Variants in DNAH9 observed in about 807,000 individuals in gnomAD.
DNAH9 encodes dynein axonemal heavy chain 9.
In DNAH9, 345 loss-of-function variants were observed where a neutral mutation model predicts 471.6. The observed-to-expected ratio is 0.73, with a 90% CI of 0.67 to 0.80. The LOEUF (loss-of-function observed/expected upper bound fraction) is 0.80. DNAH9 is among the 30% of genes least tolerant of loss of function. The pLI is 0.00. For missense variants in DNAH9, 5,407 were observed against 5,609.2 expected, an observed-to-expected ratio of 0.96 and a Z score of 1.15; for synonymous variants, 2,093 against 2,123.6, an observed-to-expected ratio of 0.99 and a Z score of 0.40.
chr17:11,854,362 G>T lies in DNAH9; in HGVS notation c.9867G>T (p.Leu3289=). 6.2e-7 allele frequency: 1 copy of T among 1,614,068 alleles called. No homozygotes were observed. Among genetic ancestry groups the T allele is most frequent in the South Asian group, 1.1e-5 (1 of 91,072 alleles). ...FCDVEPKRQA[L]NKATADLTAA... ...ATGTGGAACCCAAGCGCCAGGCACTGAACAAAGCCACCGCGGACCTCACAG... is the reference window on the plus strand; with the variant it reads ...ATGTGGAACCCAAGCGCCAGGCACTTAACAAAGCCACCGCGGACCTCACAG... The change falls in exon 50 of 69, where the codon CTG becomes CTT. Residue 3289 remains leucine, a synonymous_variant. Coordinates refer to ENST00000262442, the MANE Select transcript of DNAH9 (RefSeq NM_001372.4).
intron 38 of DNAH9, among the ~76,000 whole-genome samples, chr17:11,779,549 A>G (rs1968592354): frequency 6.6e-6 from 1 of 152,174 alleles, no homozygotes; most frequent in Non-Finnish European, 1.5e-5. Flanking sequence ...TTTTCTCCTC[A>G]ACGATCCTTT....
At chr17:11,896,060 C>G (rs1157930961) in intron 59 of DNAH9, among the ~76,000 whole-genome samples, 1 of 152,120 alleles carries the variant, frequency 6.6e-6, no homozygotes, top group African/African-American at 2.4e-5. Flanking sequence ...CTGCAAAGGG[C>G]CACTTAGTAA....
intron 43 of DNAH9, among the ~76,000 whole-genome samples, chr17:11,801,519 G>A (rs1029528512): frequency 5.9e-5 from 9 of 152,026 alleles, no homozygotes; most frequent in East Asian, 1.9e-4. Context: ...GTGAAACCCC[G>A]TCTCTACTAA....
At chr17:11,826,714 G>A (rs926099185) in intron 48 of DNAH9, among the ~76,000 whole-genome samples, 9 of 151,244 alleles carry the variant, frequency 6.0e-5, no homozygotes, top group African/African-American at 9.7e-5. Flanking sequence ...CGCCCGCCTC[G>A]GCGTCCCAAA....
chr17:11,838,393 A>G lies in DNAH9; in HGVS notation c.9507+3495A>G, dbSNP rs141458072. On this transcript the variant is annotated intron_variant, in intron 49 of 68. Transcript: ENST00000262442. ...ATGTGCATGTGTTACATTAGCAGAAATAAAAATTAAAAAATTTCAGTGACT... is the reference window on the plus strand; with the variant it reads ...ATGTGCATGTGTTACATTAGCAGAAGTAAAAATTAAAAAATTTCAGTGACT... Among the ~76,000 whole-genome samples the G allele has an allele frequency of 1.1e-3, 172 of 152,336 alleles. 2 individuals are homozygous for G. The East Asian group carries it at 0.031, about 28-fold the overall frequency.
intron 38 of DNAH9, among the ~76,000 whole-genome samples, chr17:11,772,413 ATC>A (rs1968245899): frequency 6.6e-6 from 1 of 152,154 alleles, no homozygotes. Context: ...CTCACTCTGG[ATC>A]TCTCACCTAG....
At chr17:11,658,041 A>G (rs545248183) in intron 14 of DNAH9, among the ~76,000 whole-genome samples, 156 of 152,198 alleles carry the variant, frequency 1.0e-3, no homozygotes, top group Non-Finnish European at 1.5e-3. Context: ...CAGCCTGCCA[A>G]TTTCTAGGGG....
intron 12 of DNAH9, 43 bp from the exon 13 acceptor site, chr17:11,651,026 T>A: frequency 6.3e-7 from 1 of 1,593,372 alleles, no homozygotes; most frequent in Non-Finnish European, 8.6e-7. Flanking sequence ...AGATTATTCA[T>A]TATCACTGAA....
intron 48 of DNAH9, among the ~76,000 whole-genome samples, chr17:11,833,409 C>A (rs1970737798): frequency 6.6e-6 from 1 of 152,206 alleles, no homozygotes; most frequent in Non-Finnish European, 1.5e-5. Flanking sequence ...ATTACTTGTG[C>A]TTAGCCACTC....
Position 11,699,781 on chromosome 17 carries a change from C to T in DNAH9, c.4923C>T (p.Phe1641=). ...TTGACAACATGGCCAAGATGCGATTCCAGCTAGATGCCAGTGGGGAACCAA... is the reference window on the plus strand; with the variant it reads ...TTGACAACATGGCCAAGATGCGATTTCAGCTAGATGCCAGTGGGGAACCAA... The part of the protein sequence containing the change: ...KLFDNMAKMR[F]QLDASGEPTK... The change falls in exon 23 of 69, where the codon TTC becomes TTT. Residue 1641 remains phenylalanine (F), a synonymous_variant. Transcript: ENST00000262442. 6.2e-7 allele frequency: 1 copy of T among 1,614,170 alleles called. No individual in the cohort carries two copies.
At chr17:11,947,806 G>C (rs1158787782) in intron 67 of DNAH9, among the ~76,000 whole-genome samples, 1 of 114,724 alleles carries the variant, frequency 8.7e-6, no homozygotes, top group Non-Finnish European at 1.7e-5. Context: ...TTTTGAGACA[G>C]AGTCTTGCTC....
intron 15 of DNAH9, among the ~76,000 whole-genome samples, chr17:11,666,111 A>G (rs774770027): frequency 2.0e-5 from 3 of 152,216 alleles, no homozygotes; most frequent in Non-Finnish European, 4.4e-5. Context: ...CCTGGGAGCA[A>G]CAAGCCAATG....
At chr17:11,821,771 A>G (rs1259238061) in intron 45 of DNAH9, 149 bp from the exon 46 acceptor site, 5 of 790,878 alleles carry the variant, frequency 6.3e-6, no homozygotes, top group Non-Finnish European at 9.9e-6. Flanking sequence ...TGGAGTAGAC[A>G]TGGTGTCTGT....
intron 1 of DNAH9, among the ~76,000 whole-genome samples, chr17:11,606,739 C>G (rs2072517689): frequency 2.0e-5 from 3 of 152,020 alleles, no homozygotes; most frequent in African/African-American, 7.2e-5. Flanking sequence ...TAATAGAAAC[C>G]TAATTTAAAC....
At chr17:11,653,898 C>T (rs1168776675) in intron 14 of DNAH9, among the ~76,000 whole-genome samples, 1 of 152,118 alleles carries the variant, frequency 6.6e-6, no homozygotes, top group Non-Finnish European at 1.5e-5. Context: ...TTTCATCCAA[C>T]TGTTCATTCA....
chr17:11,918,168 T>C (rs1974014952), intron 61 of DNAH9, among the ~76,000 whole-genome samples: 1 of 152,194 alleles, frequency 6.6e-6, no homozygotes, highest in Admixed American at 6.5e-5. Context: ...TCATTGTTCC[T>C]GACCCCATTC....
At chr17:11,873,954 A>C (rs994013197) in intron 52 of DNAH9, among the ~76,000 whole-genome samples, 2 of 152,182 alleles carry the variant, frequency 1.3e-5, no homozygotes, top group African/African-American at 4.8e-5. Flanking sequence ...CTGTAAAAAA[A>C]ATTAAGTGAG....
At position 11,725,884 on chromosome 17, in the gene DNAH9, AAATT is replaced by A. The variant is rs1427015043; in HGVS notation, c.5710-1931_5710-1928del. Among the ~76,000 whole-genome samples the A allele has an allele frequency of 8.5e-5, 13 of 152,194 alleles. No individual in the cohort carries two copies. In the East Asian group the frequency reaches 2.5e-3, roughly 29 times the overall value. On this transcript the variant is annotated intron_variant, in intron 27 of 68. Coordinates refer to ENST00000262442, the MANE Select transcript of DNAH9 (RefSeq NM_001372.4). The stretch of plus-strand genomic sequence containing the variant: ...TCCATCTCAAAAAAACAAACAAAAA[AAATT>A]AAAGTCTGCCCTAATGTCCAACCTA...
intron 28 of DNAH9, among the ~76,000 whole-genome samples, chr17:11,731,077 G>A (rs1327884687): frequency 8.0e-6 from 1 of 125,738 alleles, no homozygotes; most frequent in Non-Finnish European, 1.7e-5. Context: ...GGTGATGATA[G>A]TGATGATGAT....
Sources: gnomAD v4.1 joint callset for allele counts (sites outside exome capture counted in the v4.1 genomes callset) on GRCh38, gnomAD v4.1.1 for gene constraint, MANE v1.5 for transcripts, NCBI Gene and HGNC (gene_info 2026-07-23, HGNC 2026-07-21) for gene names.